TCAIM: variants seen among roughly 807,000 people sequenced by gnomAD.
The protein encoded by TCAIM is T-cell activation inhibitor, mitochondrial.
A neutral mutation model predicts 58.6 loss-of-function variants in TCAIM; 36 were observed. The observed-to-expected ratio is 0.61, with a 90% CI of 0.47 to 0.81. TCAIM has a LOEUF of 0.81. Ranked by LOEUF, TCAIM falls within the 30% of genes least tolerant of loss-of-function variation. The probability of loss-of-function intolerance (pLI) is 0.00; values close to 1 mark genes in which losing one functional copy is unlikely to be tolerated. For synonymous variants in TCAIM, 172 were observed against 193.6 expected (o/e 0.89, Z 0.93); for missense variants, 466 against 579.6 (o/e 0.80, Z 2.01).
intron 5 of TCAIM, among the ~76,000 whole-genome samples, chr3:44,386,343 A>C (rs2125648274): frequency 6.6e-6 from 1 of 152,264 alleles, no homozygotes; most frequent in East Asian, 1.9e-4. Flanking sequence ...TGGCAGCAGC[A>C]GCCCATCTGG....
rs756951937 is a variant in TCAIM at position 44,407,663 on chromosome 3, A to T, written c.1472A>T (p.Asn491Ile). ...CTTTGTATTCCTTGGAATTGGAAGA[A>T]TGGAGAAGCCATTAAGTAACACAGA... is the stretch of plus-strand genomic sequence containing the variant. ...GDLCIPWNWK[N>I]GEAIK The change falls in exon 11 of 11, where the codon AAT (asparagine) becomes ATT (isoleucine). Residue 491 changes from asparagine to isoleucine, a missense_variant. Coordinates refer to ENST00000342649, the MANE Select transcript of TCAIM (RefSeq NM_173826.4). 1 of 1,603,192 alleles carries T rather than the reference A, an allele frequency of 6.2e-7. No homozygotes were observed.
At chr3:44,394,628 G>A (rs1701892749) in intron 6 of TCAIM, among the ~76,000 whole-genome samples, 1 of 151,596 alleles carries the variant, frequency 6.6e-6, no homozygotes, top group Non-Finnish European at 1.5e-5. Context: ...GGGTATGGTG[G>A]CTCACACCTG....
chr3:44,386,946 G>A (rs146795802), intron 5 of TCAIM, among the ~76,000 whole-genome samples: 11 of 152,346 alleles, frequency 7.2e-5, no homozygotes, highest in African/African-American at 1.9e-4. Context: ...CTGGGCTGCC[G>A]GTTCCAGGTG....
intron 4 of TCAIM, among the ~76,000 whole-genome samples, chr3:44,365,754 C>G (rs115989647): frequency 0.011 from 1,698 of 152,302 alleles, 35 homozygotes; most frequent in African/African-American, 0.039. Flanking sequence ...GCCCTAGCCC[C>G]GCGTGCTTAT....
At chr3:44,383,831 AAAATTT>A (rs1366482783) in intron 5 of TCAIM, among the ~76,000 whole-genome samples, 1 of 144,736 alleles carries the variant, frequency 6.9e-6, no homozygotes, top group East Asian at 1.9e-4. Context: ...AAAAAAAAAA[AAAATTT>A]AAATTAGCCA....
intron 1 of TCAIM, among the ~76,000 whole-genome samples, chr3:44,348,599 T>C (rs929864369): frequency 6.6e-6 from 1 of 151,962 alleles, no homozygotes; most frequent in Non-Finnish European, 1.5e-5. Context: ...AGGCAAGTAA[T>C]TGCAACTCTT....
At chr3:44,403,310 T>C (rs1702050902) in intron 10 of TCAIM, among the ~76,000 whole-genome samples, 1 of 152,184 alleles carries the variant, frequency 6.6e-6, no homozygotes, top group Non-Finnish European at 1.5e-5. Flanking sequence ...CAACTAACGA[T>C]GGAAGCCATT....
chr3:44,403,097 C>T (rs748223198), intron 10 of TCAIM, among the ~76,000 whole-genome samples: 2 of 151,984 alleles, frequency 1.3e-5, no homozygotes, highest in African/African-American at 2.4e-5. Flanking sequence ...GGTGAAACGC[C>T]GTCTCTACTA....
chr3:44,390,659 C>A (rs1326333438), intron 5 of TCAIM, among the ~76,000 whole-genome samples: 1 of 151,888 alleles, frequency 6.6e-6, no homozygotes, highest in Non-Finnish European at 1.5e-5. Flanking sequence ...ATTAGCATAG[C>A]CAATTAAAAA....
At chr3:44,341,808 AAGAT>A (rs999488444) in intron 1 of TCAIM, among the ~76,000 whole-genome samples, 1 of 152,202 alleles carries the variant, frequency 6.6e-6, no homozygotes, top group African/African-American at 2.4e-5. Flanking sequence ...TTCTATGAAA[AAGAT>A]AGCCCCTACT....
At position 44,364,166 on chromosome 3, in the gene TCAIM, A is replaced by G. The variant is rs569967450; in HGVS notation, c.319+2648A>G. ...ATGGTCTCGATCTCTTAACCCCGTGATCCGCCCACCTCAGCCTCCCAAAGT... is the reference window on the plus strand; with the variant it reads ...ATGGTCTCGATCTCTTAACCCCGTGGTCCGCCCACCTCAGCCTCCCAAAGT... On this transcript the variant is annotated intron_variant, in intron 4 of 10. Coordinates refer to ENST00000342649, the MANE Select transcript of TCAIM (RefSeq NM_173826.4). Among the ~76,000 whole-genome samples the G allele has an allele frequency of 7.3e-5, 11 of 151,534 alleles. No individual in the cohort carries two copies. The South Asian group carries it at 2.3e-3, about 32-fold the overall frequency.
chr3:44,404,412 G>C (rs569774430), intron 10 of TCAIM, among the ~76,000 whole-genome samples: 1 of 152,248 alleles, frequency 6.6e-6, no homozygotes, highest in East Asian at 1.9e-4. Flanking sequence ...GGGCCTTCAG[G>C]AAATACCGAT....
At position 44,396,784 on chromosome 3, in the gene TCAIM, G is replaced by C; in HGVS notation, c.835G>C (p.Val279Leu). Reference protein sequence around the residue: ...IFTDRSGMSAVGHVMLGTMDV... With the variant: ...IFTDRSGMSALGHVMLGTMDV... ...TACAGACCGTTCTGGCATGAGTGCA[G>C]TGGGCCATGTGATGCTAGGAACAAT... is the stretch of plus-strand genomic sequence containing the variant. The change falls in exon 8 of 11, where the codon GTG becomes CTG. Residue 279 changes from valine to leucine, a missense_variant. Val to Leu is a conservative substitution (Grantham distance 32, BLOSUM62 1). Transcript: ENST00000342649. The C allele has an allele frequency of 1.2e-6, 2 of 1,614,210 alleles. No individual in the cohort carries two copies. The highest frequency in any genetic ancestry group is 1.7e-6 in the Non-Finnish European group (2 of 1,180,040).
intron 6 of TCAIM, among the ~76,000 whole-genome samples, chr3:44,393,437 G>A (rs1186983587): frequency 6.6e-6 from 1 of 152,080 alleles, no homozygotes; most frequent in Admixed American, 6.6e-5. Flanking sequence ...CTGCAGCCTG[G>A]GTGATAGAGC....
At chr3:44,392,590 T>A (rs1252932775) in intron 5 of TCAIM, among the ~76,000 whole-genome samples, 3 of 152,206 alleles carry the variant, frequency 2.0e-5, no homozygotes, top group Non-Finnish European at 4.4e-5. Context: ...GGTTTTCTGT[T>A]CCTGTGTTAG....
intron 1 of TCAIM, 76 bp from the exon 2 acceptor site, chr3:44,354,663 G>T: frequency 2.1e-6 from 2 of 954,686 alleles, no homozygotes; most frequent in African/African-American, 1.7e-5. Flanking sequence ...ATATTTTGGG[G>T]TGATAATATA....
chr3:44,370,929 A>T (rs1221110078), intron 5 of TCAIM, among the ~76,000 whole-genome samples: 4 of 88,646 alleles, frequency 4.5e-5, no homozygotes, highest in Non-Finnish European at 7.2e-5. Flanking sequence ...TTTTTTTTTT[A>T]AAGATGGAGT....
At chr3:44,400,931 A>G (rs1028310398) in intron 9 of TCAIM, 2 of 488,964 alleles carry the variant, frequency 4.1e-6, no homozygotes, top group Non-Finnish European at 7.3e-6. Context: ...ACTTATATGC[A>G]TTCTGTCTTT....
Position 44,407,620 on chromosome 3 carries a change from G to C in TCAIM, c.1429G>C (p.Val477Leu), listed in dbSNP as rs762017245. 6.2e-7 allele frequency: 1 copy of C among 1,613,540 alleles called. No homozygotes were observed. The highest frequency in any genetic ancestry group is 8.5e-7 in the Non-Finnish European group (1 of 1,179,834). The change falls in exon 11 of 11, where the codon GTT becomes CTT. Residue 477 changes from valine (V) to leucine (L), a missense_variant. By Grantham distance (32) the Val-to-Leu change is conservative. Coordinates refer to ENST00000342649, the MANE Select transcript of TCAIM (RefSeq NM_173826.4). ...MHLCISHFYS[V>L]MQDGDLCIPW... The stretch of plus-strand genomic sequence containing the variant: ...CCTCTGCATTTCACATTTTTACTCT[G>C]TTATGCAAGATGGAGACCTTTGTAT...
Sources: allele counts gnomAD v4.1 joint callset (sites outside exome capture counted in the v4.1 genomes callset), GRCh38; gene constraint gnomAD v4.1.1; transcripts MANE v1.5; gene names NCBI Gene and HGNC (gene_info 2026-07-23, HGNC 2026-07-21).